Variants in HEATR4 observed in about 807,000 individuals in gnomAD.
HEATR4 encodes HEAT repeat containing 4.
A neutral mutation model predicts 108.8 loss-of-function variants in HEATR4; 95 were observed. The observed-to-expected ratio is 0.87, with a 90% confidence interval of 0.74 to 1.04. The LOEUF (loss-of-function observed/expected upper bound fraction) is 1.04. HEATR4 is among the 50% of genes least tolerant of loss of function. The pLI is 0.00. For missense variants in HEATR4, 1,152 were observed against 1,253.8 expected (o/e 0.92, Z 1.23); for synonymous variants, 443 against 459.4 (o/e 0.96, Z 0.46).
At chr14:73,546,212 C>A (rs1315586661) in intron 1 of HEATR4, among the ~76,000 whole-genome samples, 1 of 113,418 alleles carries the variant, frequency 8.8e-6, no homozygotes, top group Admixed American at 1.0e-4. Context: ...AACTCCTGAC[C>A]TCAGGTGATA....
intron 17 of HEATR4, chr14:73,490,883 A>G (rs1159340349): frequency 2.1e-6 from 2 of 933,854 alleles, no homozygotes; most frequent in East Asian, 3.3e-5. Flanking sequence ...GAATAGAAGA[A>G]TGATGGGCGT....
chr14:73,559,228 G>T (rs1463228821), upstream of HEATR4, among the ~76,000 whole-genome samples: 2 of 151,716 alleles, frequency 1.3e-5, no homozygotes, highest in East Asian at 2.0e-4. Flanking sequence ...GTGCCTCCCA[G>T]GTTCAAGCAA....
Position 73,509,438 on chromosome 14 carries a change from G to A in HEATR4, c.1594C>T (p.Pro532Ser), listed in dbSNP as rs1887063720. 4.3e-6 allele frequency: 7 copies of A among 1,613,964 alleles called. No individual in the cohort carries two copies. Among genetic ancestry groups the A allele is most frequent in the Non-Finnish European group, 5.9e-6 (7 of 1,180,020 alleles). ...TIQDLPEVLL[P>S]ALEAALCDKN... ...TCACAAAGAGCAGCCTCTAGGGCAG[G>A]CAGTAGAACCTCCGGCAAGTCCTGG... The change falls in exon 8 of 18, where the codon CCT becomes TCT. Residue 532 changes from proline (P) to serine (S), a missense_variant. Physicochemically the swap from Pro to Ser is moderately conservative, Grantham distance 74 (BLOSUM62 -1). Transcript: ENST00000553558.
At chr14:73,592,076 C>T in the HEATR4 span, 1 of 1,485,258 alleles carries the variant, frequency 6.7e-7, no homozygotes, top group Non-Finnish European at 8.9e-7. Flanking sequence ...CGTCCCTGCG[C>T]GACGAGAAGG....
intron 5 of HEATR4, 87 bp from the exon 6 acceptor site, chr14:73,514,321 T>C (rs1405548243): frequency 8.3e-7 from 1 of 1,210,488 alleles, no homozygotes; most frequent in Non-Finnish European, 1.2e-6. Context: ...CCATTCCTAT[T>C]CCTGACTAAT....
the HEATR4 span, among the ~76,000 whole-genome samples, chr14:73,601,259 C>T: frequency 6.6e-6 from 1 of 151,970 alleles, no homozygotes; most frequent in South Asian, 2.1e-4. Context: ...ACAAACCAAA[C>T]ATTGGTTATA....
chr14:73,621,578 G>A, the HEATR4 span, among the ~76,000 whole-genome samples: 6 of 151,940 alleles, frequency 3.9e-5, no homozygotes, highest in Admixed American at 6.6e-5. Flanking sequence ...GTGATTTCAC[G>A]GCACATCCCA....
At chr14:73,487,459 G>A (rs1217963346) in intron 17 of HEATR4, among the ~76,000 whole-genome samples, 2 of 152,102 alleles carry the variant, frequency 1.3e-5, no homozygotes, top group Admixed American at 6.6e-5. Context: ...CCAGCTACTC[G>A]GGAGGCTGAG....
chr14:73,585,324 G>T, the HEATR4 span, among the ~76,000 whole-genome samples: 1 of 152,112 alleles, frequency 6.6e-6, no homozygotes, highest in African/African-American at 2.4e-5. Context: ...CTCCTGCTCA[G>T]GACACTTTCT....
chr14:73,541,799 C>T lies in HEATR4; in HGVS notation c.-151-11555G>A. The T allele has an allele frequency of 2.7e-6, 2 of 736,848 alleles. 1 individual carries two copies. The highest frequency in any genetic ancestry group is 4.1e-6 in the Non-Finnish European group (2 of 484,242). 45.6% of individuals were successfully genotyped at this position (736,848 alleles called of 1,614,324 possible). A position where few individuals can be genotyped will look rare whatever the true frequency, so the allele number is the denominator to read the frequency against. On this transcript the variant is annotated intron_variant, in intron 1 of 17. Coordinates refer to ENST00000553558, the MANE Select transcript of HEATR4 (RefSeq NM_001220484.1). ...CTCATTCATGACAGCCATTCCCTAC[C>T]CCAACACACACTACCTTTTTTAGTC...
chr14:73,491,579 G>C (rs753709404), intron 17 of HEATR4: 2 of 1,543,774 alleles, frequency 1.3e-6, no homozygotes, highest in South Asian at 1.2e-5. Context: ...GCTGCGGCGC[G>C]TCTTGGCCGA....
At chr14:73,514,609 G>A (rs1328989233) in intron 5 of HEATR4, among the ~76,000 whole-genome samples, 2 of 152,150 alleles carry the variant, frequency 1.3e-5, no homozygotes, top group Admixed American at 6.5e-5. Context: ...AGTGTCATTG[G>A]CCATTATTTC....
intron 12 of HEATR4, among the ~76,000 whole-genome samples, chr14:73,499,619 T>C (rs1388788184): frequency 6.6e-6 from 1 of 152,210 alleles, no homozygotes; most frequent in East Asian, 1.9e-4. Context: ...CCAACCTATA[T>C]GCATAGTGAG....
chr14:73,537,135 C>T, intron 1 of HEATR4: 1 of 326,296 alleles, frequency 3.1e-6, no homozygotes, highest in South Asian at 3.4e-5. Flanking sequence ...CCAGTCCTGG[C>T]CCAGCCCATT....
the HEATR4 span, among the ~76,000 whole-genome samples, chr14:73,578,386 T>C: frequency 6.6e-6 from 1 of 151,768 alleles, no homozygotes; most frequent in Non-Finnish European, 1.5e-5. Context: ...CATGCCACCA[T>C]GCCCAGCTAA....
At chr14:73,633,511 T>C in the HEATR4 span, 1 of 152,212 alleles carries the variant, frequency 6.6e-6, no homozygotes, top group Non-Finnish European at 1.5e-5. Context: ...TTTGATAGTC[T>C]TTCTTAATCC....
At chr14:73,501,683 T>G (rs1886473348) in intron 11 of HEATR4, among the ~76,000 whole-genome samples, 1 of 149,460 alleles carries the variant, frequency 6.7e-6, no homozygotes, top group Non-Finnish European at 1.5e-5. Context: ...CAGGCAGTCC[T>G]CTTGCCTCAG....
the HEATR4 span, among the ~76,000 whole-genome samples, chr14:73,625,261 T>C: frequency 6.6e-5 from 10 of 152,132 alleles, no homozygotes; most frequent in Admixed American, 2.0e-4. Flanking sequence ...AGTTTCACCA[T>C]GTTGGCCAGG....
chr14:73,485,926 C>T (rs1239048182), intron 17 of HEATR4, among the ~76,000 whole-genome samples: 1 of 151,874 alleles, frequency 6.6e-6, no homozygotes, highest in East Asian at 1.9e-4. Flanking sequence ...GTTGCTCAGG[C>T]TGGTCTGGAA....
Sources: allele counts gnomAD v4.1 joint callset (sites outside exome capture counted in the v4.1 genomes callset), GRCh38; gene constraint gnomAD v4.1.1; transcripts MANE v1.5; gene names NCBI Gene and HGNC (gene_info 2026-07-23, HGNC 2026-07-21).